The following PLCH2 variants were observed in gnomAD, a reference collection of about 807,000 sequenced individuals.
PLCH2 encodes 1-phosphatidylinositol 4,5-bisphosphate phosphodiesterase eta-2.
PLCH2 carries 98 observed loss-of-function variants against 134.7 expected under a neutral mutation model. The observed-to-expected ratio is 0.73, with a 90% CI of 0.62 to 0.86. The LOEUF is 0.86. Among genes scored for constraint, PLCH2 ranks in the 40% least tolerant of loss-of-function variants. The pLI is 0.00. For synonymous variants in PLCH2, 974 were observed against 827.5 expected, an observed-to-expected ratio of 1.18 and a Z score of -3.04; for missense variants, 1,994 against 1,986.6, an observed-to-expected ratio of 1.00 and a Z score of -0.07.
chr1:2,489,893 G>T (rs1257637891), intron 10 of PLCH2, 26 bp downstream of exon 10: 2 of 1,494,616 alleles, frequency 1.3e-6, no homozygotes, highest in Non-Finnish European at 1.9e-6. Flanking sequence ...GGTGGAGGGG[G>T]GCGCGTGGAG....
intron 1 of PLCH2, among the ~76,000 whole-genome samples, chr1:2,469,756 G>A (rs1641238352): frequency 6.6e-6 from 1 of 152,240 alleles, no homozygotes; most frequent in South Asian, 2.1e-4. Flanking sequence ...CGGACTTCCT[G>A]TGTGGGAAAG....
At position 2,504,932 on chromosome 1, in the gene PLCH2, G is replaced by C; in HGVS notation, c.3970G>C (p.Ala1324Pro). ...CACGTCACCCACCAGCCTGGGCCCG[G>C]CTGGGGAGGGGGTGGCAGGGGGCCC... ...DITSPTSLGPAGEGVAGGPGF... is the reference protein window; with the variant it reads ...DITSPTSLGPPGEGVAGGPGF... The change falls in exon 22 of 22, where the codon GCT becomes CCT. Residue 1324 changes from alanine to proline, a missense_variant. Physicochemically the swap from Ala to Pro is conservative, Grantham distance 27. Transcript: ENST00000378486. 1 of 1,568,956 alleles carries C rather than the reference G, an allele frequency of 6.4e-7. No individual in the cohort carries two copies. Among genetic ancestry groups the C allele is most frequent in the Non-Finnish European group, 8.6e-7 (1 of 1,157,220 alleles).
chr1:2,454,185 C>T (rs920933342), intron 2 of PLCH2, among the ~76,000 whole-genome samples: 1 of 152,208 alleles, frequency 6.6e-6, no homozygotes, highest in Non-Finnish European at 1.5e-5. Flanking sequence ...GGCTGAGCTC[C>T]TAGGGCAGGA....
chr1:2,459,703 G>T (rs962322716), intron 2 of PLCH2, among the ~76,000 whole-genome samples: 2 of 151,576 alleles, frequency 1.3e-5, no homozygotes, highest in African/African-American at 4.8e-5. Flanking sequence ...CTTTCCGGTG[G>T]TCTTCCTTTC....
intron 2 of PLCH2, among the ~76,000 whole-genome samples, chr1:2,434,406 G>T (rs997672379): frequency 1.3e-5 from 2 of 152,248 alleles, no homozygotes; most frequent in African/African-American, 4.8e-5. Flanking sequence ...CCTCTGGCAG[G>T]GGCGTATTTC....
the PLCH2 span, among the ~76,000 whole-genome samples, chr1:2,420,707 C>T: frequency 0.2 from 30,394 of 152,170 alleles, 3,430 homozygotes; most frequent in Admixed American, 0.3. Flanking sequence ...GAAAAATCTC[C>T]TCTTCAGGCC....
At chr1:2,476,282 G>T (rs912437001), upstream of PLCH2, 1 of 302,938 alleles carries the variant, frequency 3.3e-6, no homozygotes, top group Non-Finnish European at 6.1e-6. Flanking sequence ...GGCTGGGCGG[G>T]GCTGAGGTCC....
At chr1:2,499,617 C>T (rs748460970) in intron 19 of PLCH2, 24 bp from the exon 20 acceptor site, 16 of 1,567,786 alleles carry the variant, frequency 1.0e-5, no homozygotes, top group Non-Finnish European at 1.2e-5. Context: ...GACCTCATGA[C>T]CCTGCTGACC....
At chr1:2,436,186 T>A (rs1337316291) in intron 2 of PLCH2, among the ~76,000 whole-genome samples, 1 of 110,444 alleles carries the variant, frequency 9.1e-6, no homozygotes, top group Non-Finnish European at 1.8e-5. Context: ...GCTCCCTCCT[T>A]CCTTCCTCTG....
chr1:2,457,906 A>C (rs1640574672), intron 2 of PLCH2, among the ~76,000 whole-genome samples: 1 of 147,016 alleles, frequency 6.8e-6, no homozygotes, highest in Admixed American at 6.8e-5. Context: ...AGCATTTGCC[A>C]GCATAGCACT....
intron 2 of PLCH2, among the ~76,000 whole-genome samples, chr1:2,440,677 G>T (rs1315810460): frequency 1.5e-5 from 2 of 134,806 alleles, no homozygotes; most frequent in Non-Finnish European, 3.2e-5. Context: ...CTCTCTCCAT[G>T]TCTGTCGCTG....
intron 2 of PLCH2, 40 bp downstream of exon 2, chr1:2,478,662 T>TG (rs1284599127): frequency 1.3e-6 from 2 of 1,565,268 alleles, no homozygotes; most frequent in South Asian, 1.2e-5. Context: ...TCAGAGTCCC[T>TG]GGGGGGACAC....
At chr1:2,447,052 C>T (rs1639976620) in intron 2 of PLCH2, among the ~76,000 whole-genome samples, 1 of 152,218 alleles carries the variant, frequency 6.6e-6, no homozygotes, top group Admixed American at 6.5e-5. Flanking sequence ...TCTCCCACCC[C>T]CTCATGTGCT....
intron 2 of PLCH2, among the ~76,000 whole-genome samples, chr1:2,453,606 C>T (rs533377294): frequency 1.3e-5 from 2 of 152,312 alleles, no homozygotes; most frequent in East Asian, 1.9e-4. Flanking sequence ...GGGCCACCCC[C>T]CTCTGGCAGG....
At chr1:2,497,086 C>T in intron 15 of PLCH2, 76 bp downstream of exon 15, 1 of 1,441,572 alleles carries the variant, frequency 6.9e-7, no homozygotes, top group Non-Finnish European at 9.5e-7. Flanking sequence ...AAGGGGCGAG[C>T]AGGGGACCCG....
intron 1 of PLCH2, among the ~76,000 whole-genome samples, chr1:2,469,466 C>T (rs192290139): frequency 1.3e-3 from 201 of 152,350 alleles, no homozygotes; most frequent in Non-Finnish European, 2.3e-3. Flanking sequence ...GGGTCCAGCC[C>T]TCCATCTGCA....
Position 2,484,567 on chromosome 1 carries a change from G to T in PLCH2, c.765G>T (p.Lys255Asn). The stretch of plus-strand genomic sequence containing the variant: ...TCATGCTGACCTACAGCAACCACAA[G>T]GACCACCTGGATGCCGCCAGCCTGC... ...YLLMLTYSNH[K>N]DHLDAASLQR... The change falls in exon 5 of 22, where the codon AAG becomes AAT. Residue 255 changes from lysine to asparagine, a missense_variant. Coordinates refer to ENST00000378486, the MANE Select transcript of PLCH2 (RefSeq NM_014638.4). 1 of 1,613,078 alleles carries T rather than the reference G, an allele frequency of 6.2e-7. No individual in the cohort carries two copies. Among genetic ancestry groups the T allele is most frequent in the Admixed American group, 1.7e-5 (1 of 60,010 alleles).
Position 2,504,228 on chromosome 1 carries a change from C to T in PLCH2, c.3266C>T (p.Pro1089Leu). The change falls in exon 22 of 22, where the codon CCC (proline) becomes CTC (leucine). Residue 1089 changes from proline to leucine, a missense_variant. Around this residue, in one of 2 missense-constraint regions of PLCH2, gnomAD observed 900 missense variants for 752.3 expected, o/e 1.20. Coordinates refer to ENST00000378486, the MANE Select transcript of PLCH2 (RefSeq NM_014638.4). ...CAGCCCCGGACCCTGGGCCACCTGC[C>T]CGTGATTAGAAGGGTGAAGAGTGAG... ...RSQPRTLGHL[P>L]VIRRVKSEGQ... The T allele has an allele frequency of 1.3e-6, 2 of 1,571,264 alleles. No individual in the cohort carries two copies. Among genetic ancestry groups the T allele is most frequent in the Non-Finnish European group, 8.6e-7 (1 of 1,159,738 alleles).
chr1:2,420,798 C>G, the PLCH2 span, among the ~76,000 whole-genome samples: 14 of 152,210 alleles, frequency 9.2e-5, no homozygotes, highest in East Asian at 1.9e-4. Context: ...TTGCCTTTAC[C>G]CACATCAGTA....
Sources: allele counts gnomAD v4.1 joint callset (sites outside exome capture counted in the v4.1 genomes callset), GRCh38; gene constraint gnomAD v4.1.1; regional missense constraint gnomAD v4.1.1; transcripts MANE v1.5; gene names NCBI Gene and HGNC (gene_info 2026-07-23, HGNC 2026-07-21).